The following RGS6 variants were observed in gnomAD, a reference collection of about 807,000 sequenced individuals.
RGS6 encodes the protein regulator of G protein signaling 6.
Under a neutral mutation model 78.5 loss-of-function variants are expected in RGS6, and 30 were observed. That is an observed-to-expected ratio of 0.38 (90% CI 0.29 to 0.52). The LOEUF is 0.52. Ranked by LOEUF, RGS6 falls within the 20% of genes least tolerant of loss-of-function variation. The pLI is 0.85. For missense variants in RGS6, 495 were observed against 609.7 expected (o/e 0.81, Z 1.98); for synonymous variants, 206 against 206.0 (o/e 1.00, Z 0.00).
At chr14:72,117,887 A>G (rs371120456) in intron 2 of RGS6, among the ~76,000 whole-genome samples, 4 of 152,066 alleles carry the variant, frequency 2.6e-5, no homozygotes, top group East Asian at 3.9e-4. Flanking sequence ...GGCTGTTGCC[A>G]TCTATTCGGA....
chr14:72,266,640 A>C (rs1367868436), intron 2 of RGS6, among the ~76,000 whole-genome samples: 1 of 152,162 alleles, frequency 6.6e-6, no homozygotes. Context: ...TCCATCTCTA[A>C]CCACTTTCTC....
intron 3 of RGS6, among the ~76,000 whole-genome samples, chr14:72,396,726 G>A (rs1158139083): frequency 8.5e-5 from 13 of 152,122 alleles, no homozygotes; most frequent in South Asian, 8.3e-4. Flanking sequence ...TTTGTATAAG[G>A]TGTAAGGAAG....
intron 2 of RGS6, among the ~76,000 whole-genome samples, chr14:72,034,650 G>A (rs899888731): frequency 3.1e-4 from 47 of 152,134 alleles, no homozygotes; most frequent in African/African-American, 9.9e-4. Flanking sequence ...GTCTGCTTTA[G>A]GTATCAGAGT....
chr14:72,447,337 C>T (rs1236803519), intron 3 of RGS6, among the ~76,000 whole-genome samples: 2 of 152,164 alleles, frequency 1.3e-5, no homozygotes, highest in Non-Finnish European at 2.9e-5. Context: ...GGGCAGAGGT[C>T]CCAGTCTCTC....
chr14:72,091,133 G>T (rs527949413), intron 2 of RGS6, among the ~76,000 whole-genome samples: 29 of 25,036 alleles, frequency 1.2e-3, no homozygotes, highest in Admixed American at 1.9e-3. Flanking sequence ...CTTCACACTG[G>T]CTGTCTCCAC....
intron 13 of RGS6, among the ~76,000 whole-genome samples, chr14:72,496,163 C>G (rs1023484451): frequency 6.6e-6 from 1 of 152,190 alleles, no homozygotes; most frequent in Admixed American, 6.5e-5. Context: ...AGAAAATGCT[C>G]TCTTCCTCCA....
chr14:72,237,857 G>A (rs61997486), intron 2 of RGS6, among the ~76,000 whole-genome samples: 2,308 of 152,190 alleles, frequency 0.015, 31 homozygotes, highest in Middle Eastern at 0.044. Flanking sequence ...AGCCCTCGAG[G>A]GCATGTGTTA....
chr14:72,046,233 T>G (rs1157696769), intron 2 of RGS6, among the ~76,000 whole-genome samples: 3 of 151,128 alleles, frequency 2.0e-5, no homozygotes, highest in African/African-American at 4.9e-5. Context: ...TAAACCTTAT[T>G]ATGGCTTTAA....
At chr14:71,971,043 G>A (rs1052308920) in intron 2 of RGS6, among the ~76,000 whole-genome samples, 1 of 152,180 alleles carries the variant, frequency 6.6e-6, no homozygotes, top group Non-Finnish European at 1.5e-5. Context: ...TGGTTGATAT[G>A]AAGCTAGGTT....
intron 1 of RGS6, chr14:71,933,326 A>T (rs2088185847): frequency 6.6e-6 from 1 of 151,236 alleles, no homozygotes; most frequent in Non-Finnish European, 1.5e-5. Context: ...GCCTCTAATC[A>T]GGCGTTCATT....
At position 72,392,752 on chromosome 14, in the gene RGS6, A is replaced by G. The variant is rs2090310486; in HGVS notation, c.184+40558A>G. ...TGACACTTTGCAAGCCACCCAGTCT[A>G]CAATGTGGAGAATGGTTGCAAAGCC... On this transcript the variant is annotated intron_variant, in intron 3 of 17. Coordinates refer to ENST00000553525, the MANE Select transcript of RGS6 (RefSeq NM_001204424.2). 2.0e-5 allele frequency among the ~76,000 whole-genome samples: 3 copies of G among 152,146 alleles called. No homozygotes were observed. The South Asian group carries it at 6.2e-4, about 32-fold the overall frequency.
At chr14:72,500,748 A>C (rs921631989) in intron 13 of RGS6, among the ~76,000 whole-genome samples, 1 of 152,142 alleles carries the variant, frequency 6.6e-6, no homozygotes, top group South Asian at 2.1e-4. Flanking sequence ...AACGAGACAA[A>C]TGTATTCTCT....
the RGS6 span, among the ~76,000 whole-genome samples, chr14:71,926,117 C>T: frequency 6.6e-6 from 1 of 152,122 alleles, no homozygotes; most frequent in Non-Finnish European, 1.5e-5. Flanking sequence ...TCAGCACAAT[C>T]ACTATCAAAA....
chr14:72,223,185 AAAG>A (rs2047288856), intron 2 of RGS6, among the ~76,000 whole-genome samples: 1 of 152,240 alleles, frequency 6.6e-6, no homozygotes, highest in African/African-American at 2.4e-5. Flanking sequence ...AGCCCTAAAA[AAAG>A]AAAAACTTTA....
chr14:72,286,871 C>T (rs1368063675), intron 2 of RGS6, among the ~76,000 whole-genome samples: 1 of 151,802 alleles, frequency 6.6e-6, no homozygotes, highest in Non-Finnish European at 1.5e-5. Context: ...GCAATCTCCA[C>T]CTCTCAGGTT....
At chr14:72,352,285 G>A (rs2079248760) in intron 3 of RGS6, 91 bp downstream of exon 3, 1 of 819,642 alleles carries the variant, frequency 1.2e-6, no homozygotes. Context: ...CTGAAGATCT[G>A]TGAATAGTAA....
chr14:72,272,987 G>A (rs1232469665), intron 2 of RGS6, among the ~76,000 whole-genome samples: 1 of 152,100 alleles, frequency 6.6e-6, no homozygotes, highest in Non-Finnish European at 1.5e-5. Flanking sequence ...GTGGTGGCAG[G>A]TGCCTGTAAT....
At chr14:71,918,904 AGGGT>A in the RGS6 span, among the ~76,000 whole-genome samples, 3 of 152,226 alleles carry the variant, frequency 2.0e-5, no homozygotes, top group African/African-American at 7.2e-5. Context: ...TATGGTAAGC[AGGGT>A]GTTGAGTTAC....
intron 2 of RGS6, among the ~76,000 whole-genome samples, chr14:72,199,901 G>T (rs2041090428): frequency 6.6e-6 from 1 of 152,204 alleles, no homozygotes; most frequent in South Asian, 2.1e-4. Context: ...TTTATATACA[G>T]ATGGTCTGTG....
Sources: allele counts gnomAD v4.1 joint callset (sites outside exome capture counted in the v4.1 genomes callset), GRCh38; gene constraint gnomAD v4.1.1; transcripts MANE v1.5; gene names NCBI Gene and HGNC (gene_info 2026-07-23, HGNC 2026-07-21).